Variants in ITGA9 observed in about 807,000 individuals in gnomAD.
The protein encoded by ITGA9 is integrin alpha-9.
Under a neutral mutation model 127.8 loss-of-function variants are expected in ITGA9, and 56 were observed. The observed-to-expected ratio is 0.44, with a 90% CI of 0.35 to 0.55. The LOEUF is 0.55. Among genes scored for constraint, ITGA9 ranks in the 20% least tolerant of loss-of-function variants. The pLI, the probability that ITGA9 is intolerant of heterozygous loss-of-function variation, is 0.00. For synonymous variants in ITGA9, 508 were observed against 514.5 expected (o/e 0.99, Z 0.17); for missense variants, 1,196 against 1,347.1 (o/e 0.89, Z 1.76).
Position 37,508,695 on chromosome 3 carries a change from T to G in ITGA9, c.897+68T>G. 17 of 1,394,578 alleles carry G rather than the reference T, an allele frequency of 1.2e-5. No homozygotes were observed. The South Asian group carries it at 2.0e-4, about 16-fold the overall frequency. 86.4% of individuals were successfully genotyped at this position (1,394,578 alleles called of 1,614,324 possible). ...GTGATCATGTGGGAGTCAGTACTTT[T>G]TAGAAAATTGGTTTGAAGGCCCTAC... On this transcript the variant is annotated intron_variant, in intron 8 of 27. Transcript: ENST00000264741.
chr3:37,796,981 A>G (rs1697181393), intron 26 of ITGA9, among the ~76,000 whole-genome samples: 2 of 152,122 alleles, frequency 1.3e-5, no homozygotes, highest in Admixed American at 1.3e-4. Flanking sequence ...TGTTGGAGCC[A>G]TGGGTTCCCT....
rs1431224368 is a variant in ITGA9, at chr3:37,623,673, A to ATG, written c.1690-5498_1690-5497dup. ...ATTTTAAACAGGGGTGTGTGTGTGT[A>ATG]TGTGTGTGTGTGTGTGTCTGTGTGT... On this transcript the variant is annotated intron_variant, in intron 15 of 27. Coordinates refer to ENST00000264741, the MANE Select transcript of ITGA9 (RefSeq NM_002207.3). Among the ~76,000 whole-genome samples, 132 of 118,238 alleles carry ATG rather than the reference A, an allele frequency of 1.1e-3. 1 individual carries two copies. Among genetic ancestry groups the ATG allele is most frequent in the African/African-American group, 3.9e-3 (122 of 31,316 alleles). The allele number at this position is 118,238 out of a possible 152,430, so 77.6% of individuals were successfully genotyped here.
At chr3:37,543,285 C>T (rs1056583909) in intron 15 of ITGA9, among the ~76,000 whole-genome samples, 1 of 152,094 alleles carries the variant, frequency 6.6e-6, no homozygotes, top group African/African-American at 2.4e-5. Flanking sequence ...TGGGCAGGGT[C>T]AGAGAGCGGA....
intron 19 of ITGA9, among the ~76,000 whole-genome samples, chr3:37,734,528 C>G (rs913053986): frequency 6.6e-6 from 1 of 152,172 alleles, no homozygotes; most frequent in Non-Finnish European, 1.5e-5. Context: ...CTCTCTCTGT[C>G]GCCCAGGCTG....
chr3:37,665,087 C>G (rs1238043709), intron 17 of ITGA9, among the ~76,000 whole-genome samples: 1 of 151,686 alleles, frequency 6.6e-6, no homozygotes, highest in Non-Finnish European at 1.5e-5. Context: ...ATTCTCCTGC[C>G]TCAGCCTCCC....
At chr3:37,495,861 A>AAGT (rs1177140313) in intron 5 of ITGA9, among the ~76,000 whole-genome samples, 2 of 152,208 alleles carry the variant, frequency 1.3e-5, no homozygotes, top group Non-Finnish European at 2.9e-5. Flanking sequence ...TCTGCATACT[A>AAGT]GCCCCAGGGT....
At chr3:37,678,986 G>A (rs554091636) in intron 17 of ITGA9, among the ~76,000 whole-genome samples, 1 of 152,038 alleles carries the variant, frequency 6.6e-6, no homozygotes, top group Admixed American at 6.5e-5. Flanking sequence ...CAATAACGCA[G>A]TCAAAAAAAA....
intron 15 of ITGA9, among the ~76,000 whole-genome samples, chr3:37,588,191 T>C (rs1054506081): frequency 6.6e-6 from 1 of 152,256 alleles, no homozygotes; most frequent in African/African-American, 2.4e-5. Context: ...TTCAGTAAAC[T>C]GTGTTCCATC....
chr3:37,505,305 C>G (rs958326778), intron 6 of ITGA9, among the ~76,000 whole-genome samples: 1 of 152,150 alleles, frequency 6.6e-6, no homozygotes, highest in African/African-American at 2.4e-5. Flanking sequence ...AAAGAGATAC[C>G]TAAAGACATG....
intron 15 of ITGA9, among the ~76,000 whole-genome samples, chr3:37,592,112 C>G (rs1398338778): frequency 2.0e-5 from 3 of 152,152 alleles, no homozygotes; most frequent in African/African-American, 7.2e-5. Context: ...CTGTCTCTTT[C>G]ATCCCTCTAT....
Position 37,779,953 on chromosome 3 carries a change from G to A in ITGA9, c.2719G>A (p.Ala907Thr). Residue 907 changes from alanine (A) to threonine (T), a missense_variant, in exon 25 of 28, where the codon GCT becomes ACT. By Grantham distance (58) the Ala-to-Thr change is moderately conservative. Transcript: ENST00000264741. ...SCLTAHCNFS[A>T]LAKEESRTID... is the part of the protein sequence containing the mutation. The stretch of plus-strand genomic sequence containing the variant: ...CCTAACAGCACACTGTAACTTTAGT[G>A]CTCTTGCTAAAGAAGAAAGTCGTAC... The A allele has an allele frequency of 6.2e-7, 1 of 1,613,468 alleles. No homozygotes were observed. Among genetic ancestry groups the A allele is most frequent in the Non-Finnish European group, 8.5e-7 (1 of 1,179,386 alleles).
intron 20 of ITGA9, among the ~76,000 whole-genome samples, chr3:37,737,569 A>T (rs2125531245): frequency 6.6e-6 from 1 of 152,282 alleles, no homozygotes; most frequent in East Asian, 1.9e-4. Context: ...GATAGCCATG[A>T]GTGCCTGTGG....
chr3:37,551,608 TC>T (rs1699378710), intron 15 of ITGA9, among the ~76,000 whole-genome samples: 1 of 152,166 alleles, frequency 6.6e-6, no homozygotes, highest in Non-Finnish European at 1.5e-5. Flanking sequence ...CTTTGTCTTC[TC>T]CACCCATTCC....
intron 17 of ITGA9, among the ~76,000 whole-genome samples, chr3:37,674,284 C>G (rs1700662160): frequency 6.6e-6 from 1 of 152,220 alleles, no homozygotes; most frequent in African/African-American, 2.4e-5. Flanking sequence ...ACTGTAAAAG[C>G]TCCCAGCCCA....
At chr3:37,590,922 C>T (rs1408587695) in intron 15 of ITGA9, among the ~76,000 whole-genome samples, 1 of 152,164 alleles carries the variant, frequency 6.6e-6, no homozygotes, top group Non-Finnish European at 1.5e-5. Context: ...AGTGGAAACC[C>T]CATGTCCTTA....
At chr3:37,639,872 G>A (rs1427024128) in intron 16 of ITGA9, among the ~76,000 whole-genome samples, 1 of 152,136 alleles carries the variant, frequency 6.6e-6, no homozygotes, top group Non-Finnish European at 1.5e-5. Context: ...GCTGGTCCGT[G>A]TGCTGGGAAG....
intron 17 of ITGA9, among the ~76,000 whole-genome samples, chr3:37,667,320 C>T (rs752883691): frequency 2.0e-4 from 31 of 152,060 alleles, no homozygotes; most frequent in Non-Finnish European, 2.4e-4. Context: ...ACCCTTTTTT[C>T]CCCTTCACTA....
intron 15 of ITGA9, among the ~76,000 whole-genome samples, chr3:37,614,400 A>G (rs1006328368): frequency 3.7e-4 from 56 of 152,306 alleles, no homozygotes; most frequent in African/African-American, 1.3e-3. Context: ...AGGTAGCGTG[A>G]TGCCTCCGGT....
intron 24 of ITGA9, among the ~76,000 whole-genome samples, chr3:37,778,338 G>A (rs1032151490): frequency 6.6e-5 from 10 of 152,242 alleles, no homozygotes; most frequent in African/African-American, 2.4e-4. Flanking sequence ...TTAAAGACAG[G>A]CCGGGCACGG....
Sources: gnomAD v4.1 joint callset for allele counts (sites outside exome capture counted in the v4.1 genomes callset) on GRCh38, gnomAD v4.1.1 for gene constraint, MANE v1.5 for transcripts, NCBI Gene and HGNC (gene_info 2026-07-23, HGNC 2026-07-21) for gene names.